MEF2A: variants seen among roughly 807,000 people sequenced by gnomAD.
MEF2A encodes the protein myocyte enhancer factor 2A.
A neutral mutation model predicts 55.8 loss-of-function variants in MEF2A; 28 were observed. That is an observed-to-expected ratio of 0.50 (90% CI 0.37 to 0.69). The LOEUF is 0.69. MEF2A is among the 30% of genes least tolerant of loss of function. MEF2A has a pLI of 0.00. For missense variants in MEF2A, 528 were observed against 626.2 expected (o/e 0.84, Z 1.67); for synonymous variants, 239 against 227.1 (o/e 1.05, Z -0.47).
intron 11 of MEF2A, among the ~76,000 whole-genome samples, chr15:99,711,834 A>G (rs1178342514): frequency 1.3e-5 from 2 of 152,256 alleles, no homozygotes; most frequent in Non-Finnish European, 2.9e-5. Flanking sequence ...TGCACTAAAA[A>G]TAGTCCTGGA....
In MEF2A at chr15:99,648,143, G is replaced by A. The variant is rs535122071; in HGVS notation, c.258+2379G>A. 9.3e-4 allele frequency among the ~76,000 whole-genome samples: 141 copies of A among 152,258 alleles called. 1 individual carries two copies. Among genetic ancestry groups the A allele is most frequent in the African/African-American group, 3.3e-3 (139 of 41,566 alleles). On this transcript the variant is annotated intron_variant, in intron 4 of 11. Transcript: ENST00000557942. The stretch of plus-strand genomic sequence containing the variant: ...TCCTATGGGTCTTAGTTTTTACAAA[G>A]TACTTTACAGTTGCCTCATTGAAGG...
intron 2 of MEF2A, among the ~76,000 whole-genome samples, chr15:99,599,174 A>G (rs1218155615): frequency 6.6e-6 from 1 of 152,150 alleles, no homozygotes; most frequent in East Asian, 1.9e-4. Flanking sequence ...AAAAGTTTTC[A>G]TGAGTGAAAC....
chr15:99,646,045 A>G (rs1348285218), intron 4 of MEF2A, among the ~76,000 whole-genome samples: 1 of 152,158 alleles, frequency 6.6e-6, no homozygotes, highest in Non-Finnish European at 1.5e-5. Context: ...GAGTTTTAAA[A>G]TTAATATTGT....
In MEF2A at chr15:99,645,509, A is replaced by G; in HGVS notation, c.55-52A>G. The G allele has an allele frequency of 2.3e-6, 3 of 1,326,298 alleles. 1 individual carries two copies. The highest frequency in any genetic ancestry group is 3.2e-6 in the Non-Finnish European group (3 of 937,278). The allele number at this position is 1,326,298 out of a possible 1,614,324, so 82.2% of individuals were successfully genotyped here. On this transcript the variant is annotated intron_variant, in intron 3 of 11. Transcript: ENST00000557942. ...GAAGATTCATCTTCAGATAGCCCAT[A>G]TTCAAGTACTACTAATGCTTTTAAT...
intron 2 of MEF2A, among the ~76,000 whole-genome samples, chr15:99,625,280 G>A (rs914028246): frequency 6.6e-6 from 1 of 152,104 alleles, no homozygotes; most frequent in Non-Finnish European, 1.5e-5. Flanking sequence ...GCTGGTTTGT[G>A]TGTTGATTTT....
chr15:99,575,013 T>C (rs1352896651), intron 1 of MEF2A, among the ~76,000 whole-genome samples: 1 of 152,148 alleles, frequency 6.6e-6, no homozygotes, highest in African/African-American at 2.4e-5. Context: ...GAATCCACTG[T>C]GTAGATCTTT....
At chr15:99,579,230 A>G (rs937324519) in intron 1 of MEF2A, among the ~76,000 whole-genome samples, 1 of 150,542 alleles carries the variant, frequency 6.6e-6, no homozygotes, top group African/African-American at 2.4e-5. Context: ...GGTAGTTTTC[A>G]TATCATCAAA....
At chr15:99,674,312 C>A in intron 5 of MEF2A, 81 bp from the exon 6 acceptor site, 1 of 1,297,038 alleles carries the variant, frequency 7.7e-7, no homozygotes, top group Non-Finnish European at 1.1e-6. Context: ...CTTGAGTTAC[C>A]TTGCCAAATT....
intron 2 of MEF2A, among the ~76,000 whole-genome samples, chr15:99,627,694 T>C (rs2153367154): frequency 6.6e-6 from 1 of 152,352 alleles, no homozygotes; most frequent in African/African-American, 2.4e-5. Context: ...CTGATGTTGC[T>C]GGCAATAAGC....
chr15:99,570,352 C>T (rs1178729096), intron 1 of MEF2A, among the ~76,000 whole-genome samples: 6 of 152,016 alleles, frequency 3.9e-5, no homozygotes. Context: ...CACAAAAATA[C>T]AAACTTCAAA....
intron 7 of MEF2A, among the ~76,000 whole-genome samples, chr15:99,686,100 C>T (rs1018972443): frequency 6.6e-6 from 1 of 152,104 alleles, no homozygotes; most frequent in Non-Finnish European, 1.5e-5. Flanking sequence ...TATTTTTCCA[C>T]CCCTTTACTT....
intron 3 of MEF2A, among the ~76,000 whole-genome samples, chr15:99,633,759 A>G (rs1032895765): frequency 6.6e-6 from 1 of 151,840 alleles, no homozygotes; most frequent in African/African-American, 2.4e-5. Flanking sequence ...TGATGCTGGT[A>G]TATGAAGAGG....
intron 8 of MEF2A, among the ~76,000 whole-genome samples, chr15:99,693,055 C>T (rs961116067): frequency 6.6e-6 from 1 of 152,064 alleles, no homozygotes; most frequent in Non-Finnish European, 1.5e-5. Flanking sequence ...CAGATCCCCA[C>T]CCCCAGAGGG....
At chr15:99,666,606 A>ATAATAATAATAG (rs2153601820) in intron 4 of MEF2A, among the ~76,000 whole-genome samples, 1 of 149,302 alleles carries the variant, frequency 6.7e-6, no homozygotes, top group South Asian at 2.1e-4. Flanking sequence ...AATAATAATA[A>ATAATAATAATAG]TAATAAAAAG....
intron 4 of MEF2A, among the ~76,000 whole-genome samples, chr15:99,660,676 A>G (rs1265809409): frequency 5.3e-5 from 8 of 152,194 alleles, no homozygotes; most frequent in Admixed American, 4.6e-4. Context: ...AGATTTATGG[A>G]TTTATTAAAG....
chr15:99,636,541 C>CT (rs1281965653), intron 3 of MEF2A, among the ~76,000 whole-genome samples: 20 of 152,202 alleles, frequency 1.3e-4, no homozygotes, highest in Non-Finnish European at 2.9e-5. Context: ...GAGATGGTGT[C>CT]TCGCCTAGAC....
intron 1 of MEF2A, among the ~76,000 whole-genome samples, chr15:99,571,062 G>C (rs1285277041): frequency 2.6e-5 from 4 of 151,664 alleles, no homozygotes; most frequent in Non-Finnish European, 5.9e-5. Context: ...GCTCACACCT[G>C]TTATCCCGCC....
chr15:99,691,628 G>T (rs149499000), intron 8 of MEF2A, among the ~76,000 whole-genome samples: 17,554 of 151,310 alleles, frequency 0.12, 1,237 homozygotes, highest in East Asian at 0.23. Context: ...AACCCAAGAG[G>T]TGGAGGTTGC....
chr15:99,681,318 C>G (rs748993333), intron 7 of MEF2A, among the ~76,000 whole-genome samples: 3 of 152,128 alleles, frequency 2.0e-5, no homozygotes, highest in Non-Finnish European at 4.4e-5. Context: ...ATGAAGAAAG[C>G]TTGATTGCTC....
Sources: gnomAD v4.1 joint callset for allele counts (sites outside exome capture counted in the v4.1 genomes callset) on GRCh38, gnomAD v4.1.1 for gene constraint, MANE v1.5 for transcripts, NCBI Gene and HGNC (gene_info 2026-07-23, HGNC 2026-07-21) for gene names.